The following SMYD1 variants were observed in gnomAD, a reference collection of about 807,000 sequenced individuals.
SMYD1 encodes the protein SET and MYND domain containing 1, also known as histone-lysine N-methyltransferase SMYD1.
A neutral mutation model predicts 54.0 loss-of-function variants in SMYD1; 49 were observed. The observed-to-expected ratio is 0.91, with a 90% confidence interval of 0.72 to 1.15. The LOEUF is 1.15. SMYD1 is among the 50% of genes most tolerant of loss of function. The pLI, the probability that SMYD1 is intolerant of heterozygous loss-of-function variation, is 0.00. For synonymous variants in SMYD1, 269 were observed against 234.2 expected, an observed-to-expected ratio of 1.15 and a Z score of -1.36; for missense variants, 653 against 639.6, an observed-to-expected ratio of 1.02 and a Z score of -0.23.
At chr2:88,103,618 A>T (rs1674778251) in intron 7 of SMYD1, among the ~76,000 whole-genome samples, 1 of 152,100 alleles carries the variant, frequency 6.6e-6, no homozygotes, top group Admixed American at 6.5e-5. Flanking sequence ...ACCTTTGAAA[A>T]ATTTTGATGC....
At position 88,087,854 on chromosome 2, in the gene SMYD1, TCCC is replaced by T; in HGVS notation, c.315-7_315-5del. On this transcript the variant is annotated splice_region_variant and splice_polypyrimidine_tract_variant and intron_variant, in intron 2 of 9. Coordinates refer to ENST00000419482, the MANE Select transcript of SMYD1 (RefSeq NM_198274.4). ...TGTAGTGGCCTCCTGACGCTGCCCTTCCCACAGGCTGGCGGCGCGCATCATGTG... is the reference window on the plus strand; with the variant it reads ...TGTAGTGGCCTCCTGACGCTGCCCTTACAGGCTGGCGGCGCGCATCATGTG... 6.4e-7 allele frequency: 1 copy of T among 1,560,582 alleles called. No homozygotes were observed. The highest frequency in any genetic ancestry group is 1.9e-5 in the Admixed American group (1 of 53,500).
In SMYD1 at chr2:88,110,480, C is replaced by T. The variant is rs775042629; in HGVS notation, c.1441C>T (p.Pro481Ser). The T allele has an allele frequency of 6.3e-7, 1 of 1,595,930 alleles. No individual in the cohort carries two copies. Among genetic ancestry groups the T allele is most frequent in the Non-Finnish European group, 8.5e-7 (1 of 1,170,742 alleles). The change falls in exon 10 of 10, where the codon CCA becomes TCA. Residue 481 changes from proline to serine, a missense_variant. Coordinates refer to ENST00000419482, the MANE Select transcript of SMYD1 (RefSeq NM_198274.4). ...GGTCATGGCCGAGCCCAGCAATGAG[C>T]CATCCCCAGCTCTGTTCCACAAGAA... is the stretch of plus-strand genomic sequence containing the variant. ...MQVMAEPSNEPSPALFHKKQ is the reference protein window; with the variant it reads ...MQVMAEPSNESSPALFHKKQ
chr2:88,077,111 C>CTGTT (rs1446945608), intron 1 of SMYD1, among the ~76,000 whole-genome samples: 4 of 152,072 alleles, frequency 2.6e-5, no homozygotes, highest in Non-Finnish European at 1.5e-5. Flanking sequence ...AACGGTTGAA[C>CTGTT]TGTTGGTCCT....
rs368456868 is a variant in SMYD1 at position 88,110,470 on chromosome 2, C to T, written c.1431C>T (p.Pro477=). ...AGCCCATGCAGGTCATGGCCGAGCC[C>T]AGCAATGAGCCATCCCCAGCTCTGT... ...NNQPMQVMAE[P]SNEPSPALFH... The change falls in exon 10 of 10, where the codon CCC becomes CCT. Residue 477 remains proline, a synonymous_variant. Coordinates refer to ENST00000419482, the MANE Select transcript of SMYD1 (RefSeq NM_198274.4). 9 of 1,599,754 alleles carry T rather than the reference C, an allele frequency of 5.6e-6. No homozygotes were observed. In the African/African-American group the frequency reaches 9.4e-5, roughly 17 times the overall value.
chr2:88,104,241 C>T (rs1674803302), intron 7 of SMYD1, among the ~76,000 whole-genome samples: 1 of 152,316 alleles, frequency 6.6e-6, no homozygotes, highest in East Asian at 1.9e-4. Flanking sequence ...GCTGGGATTA[C>T]AGGCGTGAGC....
chr2:88,105,399 A>T (rs1254256833), intron 7 of SMYD1, among the ~76,000 whole-genome samples: 1 of 151,964 alleles, frequency 6.6e-6, no homozygotes, highest in Non-Finnish European at 1.5e-5. Flanking sequence ...ACACACACAC[A>T]TATCGATATC....
In SMYD1 at chr2:88,106,328, G is replaced by A; in HGVS notation, c.985G>A (p.Val329Met). 1 of 1,614,110 alleles carries A rather than the reference G, an allele frequency of 6.2e-7. No homozygotes were observed. Among genetic ancestry groups the A allele is most frequent in the Non-Finnish European group, 8.5e-7 (1 of 1,180,014 alleles). Residue 329 changes from valine (V) to methionine (M), a missense_variant, in exon 8 of 10, where the codon GTG (valine) becomes ATG (methionine). Coordinates refer to ENST00000419482, the MANE Select transcript of SMYD1 (RefSeq NM_198274.4). Reference sequence around the variant, plus strand: ...CAGGGCCTCTGTCTCACTCTAGGTTGTGAAATTATGCCGGGAGTGCCTGGA... The same window carrying A: ...CAGGGCCTCTGTCTCACTCTAGGTTATGAAATTATGCCGGGAGTGCCTGGA... Reference protein sequence around the residue: ...ARSEGLYHEVVKLCRECLEKQ... With the variant: ...ARSEGLYHEVMKLCRECLEKQ...
chr2:88,098,976 C>G (rs534624413), intron 6 of SMYD1, among the ~76,000 whole-genome samples: 1 of 152,104 alleles, frequency 6.6e-6, no homozygotes, highest in Non-Finnish European at 1.5e-5. Flanking sequence ...ATTTTTAAAA[C>G]GGGAAAATAA....
At position 88,111,547 on chromosome 2, in the gene SMYD1, T is replaced by C. The variant is rs1675022133; in HGVS notation, c.*1035T>C. 6.5e-6 allele frequency: 1 copy of C among 154,348 alleles called. No homozygotes were observed. The highest frequency in any genetic ancestry group is 6.3e-5 in the Admixed American group (1 of 15,808). The allele number at this position is 154,348 out of a possible 1,614,324, so 9.6% of individuals were successfully genotyped here. A position where few individuals can be genotyped will look rare whatever the true frequency, so the allele number is the denominator to read the frequency against. ...ATGAAGCTCCATTCTCAATACTGAA[T>C]AATTATTACTTCCCTTGTTGAGTTT... is the stretch of plus-strand genomic sequence containing the variant. On this transcript the variant is annotated 3_prime_UTR_variant, in exon 10 of 10. Coordinates refer to ENST00000419482, the MANE Select transcript of SMYD1 (RefSeq NM_198274.4).
At chr2:88,093,719 T>C (rs1359514252) in intron 5 of SMYD1, among the ~76,000 whole-genome samples, 164 bp downstream of exon 5, 2 of 152,174 alleles carry the variant, frequency 1.3e-5, no homozygotes, top group African/African-American at 4.8e-5. Context: ...TTAACCATTT[T>C]TTCCTTACCC....
chr2:88,093,681 A>G (rs1211543763), intron 5 of SMYD1, 126 bp downstream of exon 5: 9 of 1,011,422 alleles, frequency 8.9e-6, no homozygotes, highest in South Asian at 1.3e-5. Context: ...TCTGCATCCC[A>G]GTGTCTCATC....
chr2:88,107,837 C>G (rs1013384098), intron 8 of SMYD1, among the ~76,000 whole-genome samples: 5 of 152,206 alleles, frequency 3.3e-5, no homozygotes, highest in African/African-American at 9.7e-5. Context: ...CAGGTGCTGT[C>G]TGTCACCCCT....
chr2:88,104,661 CA>C (rs1674816318), intron 7 of SMYD1, among the ~76,000 whole-genome samples: 2 of 152,244 alleles, frequency 1.3e-5, no homozygotes. Context: ...GGGTGGCCCC[CA>C]CCACCTCGGG....
Position 88,103,116 on chromosome 2 carries a change from T to C in SMYD1, c.947T>C (p.Ile316Thr). ...TTCTCCAAGGATACATTGGAAAAGA[T>C]AGACAAGGCTCGTTCCGAGGGTTTG... ...IQFSKDTLEKIDKARSEGLYH... is the reference protein window; with the variant it reads ...IQFSKDTLEKTDKARSEGLYH... The change falls in exon 7 of 10, where the codon ATA (isoleucine) becomes ACA (threonine). Residue 316 changes from isoleucine to threonine, a missense_variant. Coordinates refer to ENST00000419482, the MANE Select transcript of SMYD1 (RefSeq NM_198274.4). The C allele has an allele frequency of 6.2e-7, 1 of 1,613,938 alleles. No individual in the cohort carries two copies. The highest frequency in any genetic ancestry group is 8.5e-7 in the Non-Finnish European group (1 of 1,179,954).
At chr2:88,095,130 A>T (rs187401686) in intron 5 of SMYD1, among the ~76,000 whole-genome samples, 106 of 152,250 alleles carry the variant, frequency 7.0e-4, no homozygotes, top group Middle Eastern at 3.4e-3. Flanking sequence ...CACTATCCTC[A>T]TTTGTGAAAT....
chr2:88,076,572 G>T (rs1350497737), intron 1 of SMYD1, among the ~76,000 whole-genome samples: 1 of 152,116 alleles, frequency 6.6e-6, no homozygotes, highest in Non-Finnish European at 1.5e-5. Context: ...GCACATAACA[G>T]ATTCTCAATA....
chr2:88,099,443 G>C (rs907137639), intron 6 of SMYD1, among the ~76,000 whole-genome samples: 7 of 152,156 alleles, frequency 4.6e-5, no homozygotes, highest in African/African-American at 1.7e-4. Flanking sequence ...GAATGTGCCA[G>C]GTCGGGTGCG....
At chr2:88,106,533 G>T (rs1674874652) in intron 8 of SMYD1, 45 bp downstream of exon 8, 2 of 1,581,854 alleles carry the variant, frequency 1.3e-6, no homozygotes, top group Non-Finnish European at 1.7e-6. Flanking sequence ...GGAAGTGTGT[G>T]TATTCCAGGG....
At chr2:88,093,685 T>A (rs1674512966) in intron 5 of SMYD1, 130 bp downstream of exon 5, 1 of 984,002 alleles carries the variant, frequency 1.0e-6, no homozygotes, top group Non-Finnish European at 1.6e-6. Context: ...CATCCCAGTG[T>A]CTCATCTTTT....
Sources: gnomAD v4.1 joint callset for allele counts (sites outside exome capture counted in the v4.1 genomes callset) on GRCh38, gnomAD v4.1.1 for gene constraint, MANE v1.5 for transcripts, NCBI Gene and HGNC (gene_info 2026-07-23, HGNC 2026-07-21) for gene names.